The following ZNF385D variants were observed in gnomAD, a reference collection of about 807,000 sequenced individuals.
ZNF385D encodes zinc finger protein 385D.
A neutral mutation model predicts 35.8 loss-of-function variants in ZNF385D; 15 were observed. The ratio of observed to expected loss-of-function variants is 0.42; its 90% CI spans 0.28 to 0.64. The LOEUF is 0.64. Ranked by LOEUF, ZNF385D falls within the 30% of genes least tolerant of loss-of-function variation. ZNF385D has a pLI of 0.23. For synonymous variants in ZNF385D, 212 were observed against 186.8 expected (o/e 1.13, Z -1.10); for missense variants, 474 against 494.6 (o/e 0.96, Z 0.39).
intron 5 of ZNF385D, among the ~76,000 whole-genome samples, chr3:21,427,881 T>C (rs560840515): frequency 9.9e-4 from 149 of 151,204 alleles, no homozygotes; most frequent in African/African-American, 3.4e-3. Context: ...TACACACACA[T>C]GCACATGCAC....
intron 2 of ZNF385D, among the ~76,000 whole-genome samples, chr3:22,247,615 T>TTTTATTTATTTATTTA (rs71266432): frequency 0.018 from 2,662 of 148,276 alleles, 93 homozygotes; most frequent in African/African-American, 0.061. Flanking sequence ...CATTTTACAA[T>TTTTATTTATTTATTTA]TTTATTTATT....
intron 2 of ZNF385D, among the ~76,000 whole-genome samples, chr3:22,204,133 G>C (rs1426125631): frequency 6.6e-6 from 1 of 152,054 alleles, no homozygotes; most frequent in Non-Finnish European, 1.5e-5. Flanking sequence ...AGACAGCTCA[G>C]CAGAGAGAGG....
At chr3:22,193,233 A>T (rs565764919) in intron 2 of ZNF385D, among the ~76,000 whole-genome samples, 1 of 152,280 alleles carries the variant, frequency 6.6e-6, no homozygotes, top group South Asian at 2.1e-4. Context: ...AGGCAGAATA[A>T]ACTCTTTCAC....
intron 1 of ZNF385D, among the ~76,000 whole-genome samples, chr3:21,728,453 C>G (rs555388083): frequency 8.5e-5 from 13 of 152,142 alleles, no homozygotes; most frequent in African/African-American, 3.1e-4. Flanking sequence ...GGACACATAT[C>G]CACTTTTAAA....
chr3:22,251,145 A>G (rs1700041602), intron 2 of ZNF385D, among the ~76,000 whole-genome samples: 1 of 152,172 alleles, frequency 6.6e-6, no homozygotes, highest in South Asian at 2.1e-4. Context: ...TAAAAGACTT[A>G]GCTGACATAC....
chr3:21,921,055 A>G (rs1205021127), intron 3 of ZNF385D, among the ~76,000 whole-genome samples: 5 of 134,158 alleles, frequency 3.7e-5, no homozygotes, highest in African/African-American at 1.1e-4. Context: ...CTCTACTAAA[A>G]ATACAAAAAG....
chr3:22,107,385 AT>A (rs1702281365), intron 3 of ZNF385D, among the ~76,000 whole-genome samples: 1 of 151,970 alleles, frequency 6.6e-6, no homozygotes, highest in African/African-American at 2.4e-5. Flanking sequence ...AATTTTCTAG[AT>A]TTTTTTCTGA....
chr3:21,435,941 GA>G (rs879675746), intron 5 of ZNF385D, among the ~76,000 whole-genome samples: 2 of 152,168 alleles, frequency 1.3e-5, no homozygotes, highest in Non-Finnish European at 2.9e-5. Flanking sequence ...GTCAATACTT[GA>G]ATATTACCAG....
chr3:21,940,358 C>G (rs78259210), intron 3 of ZNF385D, among the ~76,000 whole-genome samples: 5 of 152,110 alleles, frequency 3.3e-5, no homozygotes, highest in Non-Finnish European at 7.3e-5. Flanking sequence ...ATGTATCTCA[C>G]GTTCTTCGTC....
intron 3 of ZNF385D, among the ~76,000 whole-genome samples, chr3:21,937,079 T>C (rs1314336739): frequency 1.3e-5 from 2 of 152,130 alleles, no homozygotes; most frequent in Non-Finnish European, 2.9e-5. Flanking sequence ...TAATAGAAGT[T>C]AGCCTCACAG....
At chr3:21,654,142 A>G (rs2066003650) in intron 2 of ZNF385D, among the ~76,000 whole-genome samples, 1 of 152,048 alleles carries the variant, frequency 6.6e-6, no homozygotes. Context: ...AAAGTTTCTT[A>G]TCTCTATATA....
At chr3:22,187,401 A>G (rs1030844764) in intron 2 of ZNF385D, among the ~76,000 whole-genome samples, 1 of 152,146 alleles carries the variant, frequency 6.6e-6, no homozygotes, top group Admixed American at 6.6e-5. Flanking sequence ...TTAAGACCAT[A>G]ATTAATTTAG....
At chr3:21,511,747 G>T in intron 3 of ZNF385D, 1 of 456,370 alleles carries the variant, frequency 2.2e-6, no homozygotes, top group Non-Finnish European at 4.4e-6. Flanking sequence ...CAGTTCTTTT[G>T]CTTGTGCCAT....
chr3:21,423,666 A>C (rs1700847935), intron 7 of ZNF385D, among the ~76,000 whole-genome samples: 2 of 152,236 alleles, frequency 1.3e-5, no homozygotes, highest in South Asian at 4.1e-4. Context: ...GAATACCAAC[A>C]ATACAAATAC....
At chr3:21,532,950 C>A (rs2061958063) in intron 3 of ZNF385D, among the ~76,000 whole-genome samples, 1 of 152,148 alleles carries the variant, frequency 6.6e-6, no homozygotes, top group South Asian at 2.1e-4. Flanking sequence ...ACAGTTCATG[C>A]AACTGCTTCA....
At chr3:21,839,289 A>T (rs765142710) in intron 3 of ZNF385D, among the ~76,000 whole-genome samples, 33 of 152,198 alleles carry the variant, frequency 2.2e-4, no homozygotes, top group Admixed American at 1.3e-3. Flanking sequence ...ATCTCATATT[A>T]TGAAATTCTC....
intron 3 of ZNF385D, among the ~76,000 whole-genome samples, chr3:21,971,325 T>C (rs956302806): frequency 6.6e-6 from 1 of 152,044 alleles, no homozygotes; most frequent in Non-Finnish European, 1.5e-5. Flanking sequence ...AGGATGATGA[T>C]GTTAAAGTGC....
chr3:22,240,284 C>T (rs2125312772), intron 2 of ZNF385D, among the ~76,000 whole-genome samples: 1 of 150,682 alleles, frequency 6.6e-6, no homozygotes, highest in Middle Eastern at 3.4e-3. Flanking sequence ...ACCTGCTGTG[C>T]TTTTACTTTA....
intron 3 of ZNF385D, among the ~76,000 whole-genome samples, chr3:21,802,414 GAGA>G (rs2072446767): frequency 6.6e-6 from 1 of 152,088 alleles, no homozygotes; most frequent in African/African-American, 2.4e-5. Context: ...ACCCCTGAAA[GAGA>G]AGGCTATGAG....
Sources: gnomAD v4.1 joint callset for allele counts (sites outside exome capture counted in the v4.1 genomes callset) on GRCh38, gnomAD v4.1.1 for gene constraint, MANE v1.5 for transcripts, NCBI Gene and HGNC (gene_info 2026-07-23, HGNC 2026-07-21) for gene names.